The following GIGYF2 variants were observed in gnomAD, a reference collection of about 807,000 sequenced individuals.
GIGYF2 encodes the protein GRB10 interacting GYF protein 2.
GIGYF2 carries 25 observed loss-of-function variants against 208.1 expected under a neutral mutation model. That is an observed-to-expected ratio of 0.12 (90% CI 0.09 to 0.17). The LOEUF is 0.17. Ranked by LOEUF, GIGYF2 falls within the 10% of genes least tolerant of loss-of-function variation. The probability of loss-of-function intolerance (pLI) is 1.00; values close to 1 mark genes in which losing one functional copy is unlikely to be tolerated. For missense variants in GIGYF2, 1,302 were observed against 1,579.4 expected (o/e 0.82, Z 2.98); for synonymous variants, 534 against 543.8 (o/e 0.98, Z 0.25).
intron 23 of GIGYF2, among the ~76,000 whole-genome samples, chr2:232,841,099 C>T (rs1469510672): frequency 1.3e-5 from 2 of 151,386 alleles, no homozygotes; most frequent in African/African-American, 4.9e-5. Context: ...ATTGAACTTT[C>T]TCTGGAATCA....
At chr2:232,823,280 G>A (rs949598172) in intron 21 of GIGYF2, among the ~76,000 whole-genome samples, 1 of 151,554 alleles carries the variant, frequency 6.6e-6, no homozygotes, top group Non-Finnish European at 1.5e-5. Context: ...ATCTAATTTG[G>A]TACTGTTTTG....
rs55730253 is a variant in GIGYF2 at position 232,799,552 on chromosome 2, A to AAATAAT, written c.1639+3360_1639+3365dup. ...GTGACACAGCAAGACCCTGTCTTTA[A>AAATAAT]AATAATAATAATAATAATAATAATA... On this transcript the variant is annotated intron_variant, in intron 14 of 28. Coordinates refer to ENST00000373563, the MANE Select transcript of GIGYF2 (RefSeq NM_001103146.3). 5.1e-3 allele frequency among the ~76,000 whole-genome samples: 742 copies of AAATAAT among 146,854 alleles called. 4 individuals are homozygous for AAATAAT. The highest frequency in any genetic ancestry group is 8.5e-3 in the African/African-American group (336 of 39,736).
intron 14 of GIGYF2, among the ~76,000 whole-genome samples, chr2:232,797,489 T>TTTGTG (rs1553614939): frequency 2.1e-5 from 3 of 145,090 alleles, no homozygotes; most frequent in African/African-American, 7.7e-5. Flanking sequence ...AGAGCAGGGC[T>TTTGTG]TGTGTGTGTG....
chr2:232,795,994 T>A lies in GIGYF2; in HGVS notation c.1480-68T>A, dbSNP rs2305139. ...TAGTCCAAAAAAAAGGGGCAGGCAC[T>A]GTTATTATGTGTACAAGTACTAATT... On this transcript the variant is annotated intron_variant, in intron 13 of 28. Transcript: ENST00000373563. 4 of 1,136,016 alleles carry A rather than the reference T, an allele frequency of 3.5e-6. No individual in the cohort carries two copies. In the East Asian group the frequency reaches 9.4e-5, roughly 27 times the overall value. 70.4% of individuals were successfully genotyped at this position (1,136,016 alleles called of 1,614,324 possible). A position where few individuals can be genotyped will look rare whatever the true frequency, so the allele number is the denominator to read the frequency against.
chr2:232,779,744 G>GT (rs1205163302), intron 8 of GIGYF2, among the ~76,000 whole-genome samples: 3 of 152,146 alleles, frequency 2.0e-5, no homozygotes. Context: ...AGTCTCTGCT[G>GT]TTTTTTCAGG....
intron 8 of GIGYF2, chr2:232,768,128 G>C (rs1408162469): frequency 2.0e-6 from 3 of 1,535,132 alleles, no homozygotes; most frequent in Non-Finnish European, 2.7e-6. Flanking sequence ...ATGAGATACA[G>C]TAAAGAAAAA....
At chr2:232,724,877 TC>T (rs1697127817) in intron 2 of GIGYF2, among the ~76,000 whole-genome samples, 1 of 152,088 alleles carries the variant, frequency 6.6e-6, no homozygotes. Context: ...TTCAAATACT[TC>T]CCTTAAAAAA....
intron 28 of GIGYF2, among the ~76,000 whole-genome samples, chr2:232,853,349 A>G (rs919884090): frequency 2.0e-5 from 3 of 152,066 alleles, no homozygotes; most frequent in Non-Finnish European, 4.4e-5. Context: ...TCCTATCTTC[A>G]GTAGGCTTCC....
chr2:232,756,140 G>A, intron 5 of GIGYF2, 83 bp from the exon 6 acceptor site: 1 of 774,192 alleles, frequency 1.3e-6, no homozygotes, highest in Middle Eastern at 3.7e-4. Context: ...GTGGGGAGAA[G>A]CAACATGTAG....
chr2:232,799,001 A>C (rs146878379), intron 14 of GIGYF2, among the ~76,000 whole-genome samples: 82 of 150,892 alleles, frequency 5.4e-4, no homozygotes, highest in African/African-American at 1.9e-3. Context: ...TGAATTTTCT[A>C]TCTGTTTCTA....
intron 18 of GIGYF2, among the ~76,000 whole-genome samples, chr2:232,814,226 A>AT: frequency 6.6e-6 from 1 of 151,908 alleles, no homozygotes; most frequent in African/African-American, 2.4e-5. Context: ...TAACACAAAC[A>AT]TTTTTTTCAT....
In GIGYF2 at chr2:232,839,910, C is replaced by G. The variant is rs1421888750; in HGVS notation, c.2828C>G (p.Thr943Arg). Residue 943 changes from threonine to arginine, a missense_variant, in exon 23 of 29, where the codon ACG (threonine) becomes AGG (arginine). Thr to Arg is a moderately conservative substitution (Grantham distance 71). Transcript: ENST00000373563. ...SNTTACQSQA[T>R]LSLAEIQKLE... is the part of the protein sequence containing the mutation. ...ACAACAGCATGTCAGTCCCAGGCCACGCTGTCGTTGGCTGAAATCCAAAAA... is the reference window on the plus strand; with the variant it reads ...ACAACAGCATGTCAGTCCCAGGCCAGGCTGTCGTTGGCTGAAATCCAAAAA... The G allele has an allele frequency of 6.2e-7, 1 of 1,613,360 alleles. No individual in the cohort carries two copies. Among genetic ancestry groups the G allele is most frequent in the African/African-American group, 1.3e-5 (1 of 74,898 alleles).
chr2:232,826,480 CTG>C (rs1701249364), intron 21 of GIGYF2, among the ~76,000 whole-genome samples: 2 of 152,090 alleles, frequency 1.3e-5, no homozygotes, highest in African/African-American at 4.8e-5. Flanking sequence ...TTTCATATGT[CTG>C]TTGGCTGCAT....
intron 8 of GIGYF2, chr2:232,776,401 T>A: frequency 6.5e-7 from 1 of 1,549,058 alleles, no homozygotes; most frequent in Non-Finnish European, 8.9e-7. Flanking sequence ...TCTTTCCCTG[T>A]TTCCCATAAG....
Position 232,847,480 on chromosome 2 carries a change from A to G in GIGYF2, c.3593A>G (p.Gln1198Arg), listed in dbSNP as rs1702048301. ...AKQFLERRAKQKANQQRQQQQ... is the reference protein window; with the variant it reads ...AKQFLERRAKRKANQQRQQQQ... ...CAGTTCCTTGAGCGCCGTGCCAAAC[A>G]GAAAGCCAACCAGCAGCGTCAGCAG... Residue 1198 changes from glutamine to arginine, a missense_variant, in exon 27 of 29, where the codon CAG becomes CGG. Physicochemically the swap from Gln to Arg is conservative, Grantham distance 43. Coordinates refer to ENST00000373563, the MANE Select transcript of GIGYF2 (RefSeq NM_001103146.3). 6.2e-7 allele frequency: 1 copy of G among 1,612,196 alleles called. No homozygotes were observed. The highest frequency in any genetic ancestry group is 1.7e-5 in the Admixed American group (1 of 59,854).
At chr2:232,754,242 G>C (rs562531383) in intron 5 of GIGYF2, among the ~76,000 whole-genome samples, 1 of 151,814 alleles carries the variant, frequency 6.6e-6, no homozygotes, top group South Asian at 2.1e-4. Context: ...TACATGTAGA[G>C]GACCATGATT....
At chr2:232,811,516 T>G (rs191147914) in intron 17 of GIGYF2, among the ~76,000 whole-genome samples, 165 bp downstream of exon 17, 13 of 152,308 alleles carry the variant, frequency 8.5e-5, no homozygotes, top group African/African-American at 2.9e-4. Context: ...ATATTTCAGG[T>G]GGAGATAAGC....
intron 4 of GIGYF2, among the ~76,000 whole-genome samples, chr2:232,747,975 C>G (rs1698210986): frequency 6.6e-6 from 1 of 152,200 alleles, no homozygotes; most frequent in Non-Finnish European, 1.5e-5. Context: ...TCAGCACTTA[C>G]TGCCTTCTCT....
At chr2:232,850,475 A>T (rs772449779) in intron 28 of GIGYF2, 66 bp downstream of exon 28, 35 of 1,389,214 alleles carry the variant, frequency 2.5e-5, no homozygotes, top group Non-Finnish European at 3.4e-5. Context: ...ATCCTGTGTG[A>T]GTTTCCATTG....
Sources: allele counts gnomAD v4.1 joint callset (sites outside exome capture counted in the v4.1 genomes callset), GRCh38; gene constraint gnomAD v4.1.1; transcripts MANE v1.5; gene names NCBI Gene and HGNC (gene_info 2026-07-23, HGNC 2026-07-21).